Variants in HS6ST2 observed in about 807,000 individuals in gnomAD.
The protein encoded by HS6ST2 is heparan sulfate 6-O-sulfotransferase 2.
HS6ST2 carries 17 observed loss-of-function variants against 33.0 expected under a neutral mutation model. The observed-to-expected ratio is 0.52, with a 90% CI of 0.35 to 0.77. HS6ST2 has a LOEUF of 0.77. Ranked by LOEUF, HS6ST2 falls within the 30% of genes least tolerant of loss-of-function variation. The pLI, the probability that HS6ST2 is intolerant of heterozygous loss-of-function variation, is 0.01. For missense variants in HS6ST2, 519 were observed against 551.7 expected, an observed-to-expected ratio of 0.94 and a Z score of 0.59; for synonymous variants, 248 against 237.1, an observed-to-expected ratio of 1.05 and a Z score of -0.42.
chrX:132,634,326 GA>G (rs2148598747), intron 4 of HS6ST2, among the ~76,000 whole-genome samples: 1 of 112,093 alleles, frequency 8.9e-6, no homozygotes, highest in African/African-American at 3.2e-5. Context: ...AATTTTAACT[GA>G]ATGAGGCCAG....
chrX:132,788,131 T>C (rs187044773), intron 2 of HS6ST2, among the ~76,000 whole-genome samples: 34 of 111,743 alleles, frequency 3.0e-4, no homozygotes, highest in Non-Finnish European at 5.5e-4. Flanking sequence ...CCTCATTTCA[T>C]TGTGCCTCAA....
At position 132,746,737 on chromosome X, in the gene HS6ST2, G is replaced by T. The variant is rs1196728536; in HGVS notation, c.948-38243C>A. ...GAACAACCTGTATCCTGTTCCTGAA[G>T]TCTACAGTCACAGACATCCAAGCGA... On this transcript the variant is annotated intron_variant, in intron 2 of 4. Transcript: ENST00000370833. Among the ~76,000 whole-genome samples, 20 of 111,349 alleles carry T rather than the reference G, an allele frequency of 1.8e-4. No individual in the cohort carries two copies. The Admixed American group carries it at 1.9e-3, about 11-fold the overall frequency.
At chrX:132,956,588 C>CGGA (rs2067074292) in intron 2 of HS6ST2, among the ~76,000 whole-genome samples, 2 of 112,708 alleles carry the variant, frequency 1.8e-5, no homozygotes, top group South Asian at 7.3e-4. Context: ...GGCCACCCTG[C>CGGA]GGACAGACAG....
chrX:132,695,718 G>A (rs1413071812), intron 3 of HS6ST2, among the ~76,000 whole-genome samples: 1 of 111,947 alleles, frequency 8.9e-6, no homozygotes, highest in Non-Finnish European at 1.9e-5. Flanking sequence ...AAAGTCATTC[G>A]CTGGCTGGGA....
chrX:132,697,786 T>C (rs1013232562), intron 3 of HS6ST2, among the ~76,000 whole-genome samples: 14 of 111,800 alleles, frequency 1.3e-4, no homozygotes, highest in African/African-American at 4.2e-4. Flanking sequence ...CAATGTGAGC[T>C]CCATAAAGAC....
At chrX:132,745,612 G>A (rs1282906150) in intron 2 of HS6ST2, among the ~76,000 whole-genome samples, 2 of 112,162 alleles carry the variant, frequency 1.8e-5, no homozygotes, top group Non-Finnish European at 3.8e-5. Flanking sequence ...AGCAGAATGA[G>A]TATTTCTCTC....
intron 4 of HS6ST2, among the ~76,000 whole-genome samples, chrX:132,663,777 A>G (rs1351508287): frequency 2.7e-5 from 3 of 112,177 alleles, no homozygotes; most frequent in Non-Finnish European, 5.6e-5. Context: ...ACTTTCATAC[A>G]CACACATACT....
intron 2 of HS6ST2, among the ~76,000 whole-genome samples, chrX:132,938,799 G>A (rs1457885053): frequency 8.9e-6 from 1 of 112,178 alleles, no homozygotes; most frequent in Non-Finnish European, 1.9e-5. Flanking sequence ...CATCAACACT[G>A]AATAGTAAGA....
chrX:132,823,267 AT>A, intron 2 of HS6ST2, among the ~76,000 whole-genome samples: 1 of 111,231 alleles, frequency 9.0e-6, no homozygotes, highest in Admixed American at 9.6e-5. Context: ...GAACTTACAT[AT>A]TTTTTTAATT....
In HS6ST2 at chrX:132,646,294, G is replaced by A. The variant is rs995422148; in HGVS notation, c.1068-17201C>T. On this transcript the variant is annotated intron_variant, in intron 4 of 4. Coordinates refer to ENST00000370833, the MANE Select transcript of HS6ST2 (RefSeq NM_001394073.1). The stretch of plus-strand genomic sequence containing the variant: ...AATCTGCCTCCTGTGCGTAGGGGAT[G>A]ATAGGAGATAAGGAGTACGGGGTCA... Among the ~76,000 whole-genome samples the A allele has an allele frequency of 5.7e-4, 63 of 111,075 alleles. 1 individual carries two copies. The highest frequency in any genetic ancestry group is 2.0e-3 in the African/African-American group (62 of 30,467).
chrX:132,642,759 G>A (rs1210785756), intron 4 of HS6ST2, among the ~76,000 whole-genome samples: 1 of 112,389 alleles, frequency 8.9e-6, no homozygotes, highest in East Asian at 2.8e-4. Flanking sequence ...GGCAAGTACA[G>A]GAAGGAGGAC....
chrX:132,712,855 T>A (rs1251147769), intron 2 of HS6ST2, among the ~76,000 whole-genome samples: 1 of 110,626 alleles, frequency 9.0e-6, no homozygotes, highest in Non-Finnish European at 1.9e-5. Flanking sequence ...AGAAACCTCG[T>A]CTCTACTAAA....
intron 2 of HS6ST2, among the ~76,000 whole-genome samples, chrX:132,842,732 A>G (rs1478493620): frequency 2.7e-5 from 3 of 111,030 alleles, no homozygotes; most frequent in Non-Finnish European, 5.7e-5. Context: ...GATCCTGGTG[A>G]CTCTATTCCC....
At chrX:132,903,152 T>C (rs1288364581) in intron 2 of HS6ST2, among the ~76,000 whole-genome samples, 1 of 111,790 alleles carries the variant, frequency 8.9e-6, no homozygotes, top group Non-Finnish European at 1.9e-5. Flanking sequence ...ATAGTAGCAA[T>C]GGACAAACCA....
intron 2 of HS6ST2, among the ~76,000 whole-genome samples, chrX:132,895,904 T>C (rs2066370358): frequency 9.0e-6 from 1 of 111,131 alleles, no homozygotes; most frequent in Non-Finnish European, 1.9e-5. Context: ...TTTGGTTCTA[T>C]AGGAGCGTCA....
intron 2 of HS6ST2, among the ~76,000 whole-genome samples, chrX:132,775,608 T>G (rs2064949977): frequency 8.9e-6 from 1 of 111,978 alleles, no homozygotes; most frequent in Admixed American, 9.5e-5. Context: ...TAAACTGAGC[T>G]TGAATAATAC....
At position 132,957,727 on chromosome X, in the gene HS6ST2, T is replaced by C. The variant is rs1211673158; in HGVS notation, c.429-401A>G. 1.6e-4 allele frequency among the ~76,000 whole-genome samples: 15 copies of C among 95,911 alleles called. No homozygotes were observed. In the East Asian group the frequency reaches 2.7e-3, roughly 17 times the overall value. The allele number at this position is 95,911 out of a possible 115,157, so 83.3% of individuals were successfully genotyped here. On this transcript the variant is annotated intron_variant, in intron 1 of 4. Transcript: ENST00000370833. ...CGTGTCTCGCTCCACTCTCGGTGGC[T>C]CCCGCTCCCATCCCCATCCCGCTTC...
intron 2 of HS6ST2, among the ~76,000 whole-genome samples, chrX:132,803,812 T>C (rs759151633): frequency 4.5e-5 from 5 of 112,189 alleles, no homozygotes; most frequent in Admixed American, 9.5e-5. Flanking sequence ...AACATACGTA[T>C]ACAAATACTA....
intron 2 of HS6ST2, among the ~76,000 whole-genome samples, chrX:132,846,261 A>G (rs753186430): frequency 1.8e-5 from 2 of 112,327 alleles, no homozygotes; most frequent in Non-Finnish European, 3.8e-5. Context: ...CAAAAATTGC[A>G]CATTTGTCCC....
Sources: allele counts gnomAD v4.1 joint callset (sites outside exome capture counted in the v4.1 genomes callset), GRCh38; gene constraint gnomAD v4.1.1; transcripts MANE v1.5; gene names NCBI Gene and HGNC (gene_info 2026-07-23, HGNC 2026-07-21).